The following SLC44A5 variants were observed in gnomAD, a reference collection of about 807,000 sequenced individuals.
SLC44A5 encodes the protein choline transporter-like protein 5.
Under a neutral mutation model 101.8 loss-of-function variants are expected in SLC44A5, and 57 were observed. The ratio of observed to expected loss-of-function variants is 0.56; its 90% CI spans 0.45 to 0.70. SLC44A5 has a LOEUF of 0.70. SLC44A5 is among the 30% of genes least tolerant of loss of function. The pLI, the probability that SLC44A5 is intolerant of heterozygous loss-of-function variation, is 0.00. For missense variants in SLC44A5, 737 were observed against 853.1 expected, an observed-to-expected ratio of 0.86 and a Z score of 1.70; for synonymous variants, 281 against 290.9, an observed-to-expected ratio of 0.97 and a Z score of 0.35.
At chr1:75,594,464 T>C (rs1479339705) in intron 1 of SLC44A5, among the ~76,000 whole-genome samples, 3 of 151,970 alleles carry the variant, frequency 2.0e-5, no homozygotes, top group African/African-American at 7.2e-5. Context: ...AGTAGAAAAA[T>C]AGTAAGACTA....
At chr1:75,306,826 C>G (rs1356517653) in intron 4 of SLC44A5, among the ~76,000 whole-genome samples, 1 of 150,050 alleles carries the variant, frequency 6.7e-6, no homozygotes, top group Non-Finnish European at 1.5e-5. Context: ...GCTCCGCCTC[C>G]CGGGTTCACG....
At chr1:75,600,413 G>A (rs1475895194) in intron 1 of SLC44A5, among the ~76,000 whole-genome samples, 5 of 152,030 alleles carry the variant, frequency 3.3e-5, no homozygotes, top group African/African-American at 1.2e-4. Context: ...AAATTGTTTG[G>A]GGTTACATCT....
intron 2 of SLC44A5, among the ~76,000 whole-genome samples, chr1:75,480,126 A>C (rs1394362711): frequency 1.3e-5 from 2 of 152,258 alleles, no homozygotes; most frequent in Non-Finnish European, 2.9e-5. Flanking sequence ...GTAATCCAGC[A>C]TATAAACAGA....
At chr1:75,264,886 A>T (rs674825) in intron 6 of SLC44A5, among the ~76,000 whole-genome samples, 106,598 of 151,856 alleles carry the variant, frequency 0.7, 37,934 homozygotes, top group East Asian at 0.93. Context: ...CTAACCAAGA[A>T]AAAAAGAGAG....
chr1:75,453,266 A>G (rs1557800143), intron 2 of SLC44A5, among the ~76,000 whole-genome samples: 1 of 152,146 alleles, frequency 6.6e-6, no homozygotes, highest in Non-Finnish European at 1.5e-5. Flanking sequence ...AAATTAAACA[A>G]CTTGCTGTTC....
At chr1:75,663,925 C>A in the SLC44A5 span, among the ~76,000 whole-genome samples, 2 of 152,124 alleles carry the variant, frequency 1.3e-5, no homozygotes, top group Admixed American at 6.6e-5. Context: ...TACCAGCAAA[C>A]TGAATCCAGT....
At chr1:75,551,189 A>G (rs895663986) in intron 1 of SLC44A5, among the ~76,000 whole-genome samples, 2 of 152,084 alleles carry the variant, frequency 1.3e-5, no homozygotes, top group Non-Finnish European at 2.9e-5. Flanking sequence ...GCTGGTTTTG[A>G]ATGAAGTTTC....
chr1:75,696,230 A>T, the SLC44A5 span, among the ~76,000 whole-genome samples: 6 of 152,230 alleles, frequency 3.9e-5, no homozygotes, highest in Non-Finnish European at 7.3e-5. Flanking sequence ...GATATGGTGC[A>T]CTTGTCTTAA....
intron 3 of SLC44A5, among the ~76,000 whole-genome samples, chr1:75,362,014 T>C (rs912305570): frequency 6.6e-6 from 1 of 152,044 alleles, no homozygotes; most frequent in African/African-American, 2.4e-5. Flanking sequence ...TCAGATTTTT[T>C]ATTTATTCTT....
intron 3 of SLC44A5, among the ~76,000 whole-genome samples, chr1:75,358,759 G>C (rs2101104135): frequency 6.6e-6 from 1 of 152,258 alleles, no homozygotes; most frequent in African/African-American, 2.4e-5. Flanking sequence ...AATGGGATAT[G>C]ATGTGATGGT....
At chr1:75,496,224 C>T (rs1439732626) in intron 2 of SLC44A5, among the ~76,000 whole-genome samples, 1 of 152,042 alleles carries the variant, frequency 6.6e-6, no homozygotes, top group Non-Finnish European at 1.5e-5. Flanking sequence ...CTATCCTAAT[C>T]AAAACAAGAT....
the SLC44A5 span, among the ~76,000 whole-genome samples, chr1:75,683,281 A>G: frequency 1.3e-5 from 2 of 152,154 alleles, no homozygotes; most frequent in Non-Finnish European, 2.9e-5. Context: ...ACTATAAATC[A>G]TGCTGCTATA....
At chr1:75,542,442 T>C (rs1414668417) in intron 1 of SLC44A5, among the ~76,000 whole-genome samples, 1 of 152,142 alleles carries the variant, frequency 6.6e-6, no homozygotes, top group African/African-American at 2.4e-5. Flanking sequence ...AATGAATATT[T>C]TAATTAATTA....
At chr1:75,409,307 GT>G (rs754786009) in intron 2 of SLC44A5, among the ~76,000 whole-genome samples, 1 of 152,094 alleles carries the variant, frequency 6.6e-6, no homozygotes, top group Non-Finnish European at 1.5e-5. Flanking sequence ...TGTTTTCTGG[GT>G]GAGTACACCT....
At chr1:75,284,772 A>C (rs1205921936) in intron 5 of SLC44A5, among the ~76,000 whole-genome samples, 1 of 151,942 alleles carries the variant, frequency 6.6e-6, no homozygotes, top group African/African-American at 2.4e-5. Flanking sequence ...ATGATCATAC[A>C]ATTTTTGTTT....
At position 75,347,029 on chromosome 1, in the gene SLC44A5, A is replaced by G. The variant is rs189505755; in HGVS notation, c.53-7399T>C. ...AAATGAATAAAGATTGGGGAAAATGATAATTTTCATCATTAAATAAATATA... is the reference window on the plus strand; with the variant it reads ...AAATGAATAAAGATTGGGGAAAATGGTAATTTTCATCATTAAATAAATATA... On this transcript the variant is annotated intron_variant, in intron 3 of 23. Transcript: ENST00000370859. Among the ~76,000 whole-genome samples, 235 of 152,310 alleles carry G rather than the reference A, an allele frequency of 1.5e-3. 1 individual carries two copies. The highest frequency in any genetic ancestry group is 5.4e-3 in the African/African-American group (223 of 41,566).
Position 75,373,205 on chromosome 1 carries a change from T to C in SLC44A5, c.52+23378A>G, listed in dbSNP as rs1051383334. Among the ~76,000 whole-genome samples, 4 of 152,040 alleles carry C rather than the reference T, an allele frequency of 2.6e-5. No individual in the cohort carries two copies. In the East Asian group the frequency reaches 5.8e-4, roughly 22 times the overall value. ...AAATGTAGAGTAAACCATTATACTT[T>C]GAAAAAATATTTTGAGAGAAAACAC... On this transcript the variant is annotated intron_variant, in intron 3 of 23. Coordinates refer to ENST00000370859, the MANE Select transcript of SLC44A5 (RefSeq NM_001130058.2).
At chr1:75,460,693 T>C (rs951864425) in intron 2 of SLC44A5, among the ~76,000 whole-genome samples, 2 of 152,176 alleles carry the variant, frequency 1.3e-5, no homozygotes, top group Non-Finnish European at 2.9e-5. Flanking sequence ...AAAAGGGATC[T>C]AGACATTGGA....
intron 3 of SLC44A5, among the ~76,000 whole-genome samples, chr1:75,352,526 A>G (rs764318666): frequency 2.6e-5 from 4 of 152,180 alleles, no homozygotes; most frequent in Non-Finnish European, 5.9e-5. Flanking sequence ...TGGTCAATAA[A>G]TAATGAAATC....
Sources: gnomAD v4.1 joint callset for allele counts (sites outside exome capture counted in the v4.1 genomes callset) on GRCh38, gnomAD v4.1.1 for gene constraint, MANE v1.5 for transcripts, NCBI Gene and HGNC (gene_info 2026-07-23, HGNC 2026-07-21) for gene names.